PDGFRB: variants seen among roughly 807,000 people sequenced by gnomAD.
PDGFRB encodes platelet-derived growth factor receptor beta.
A neutral mutation model predicts 120.2 loss-of-function variants in PDGFRB; 42 were observed. The observed-to-expected ratio is 0.35, with a 90% CI of 0.27 to 0.45. The LOEUF (loss-of-function observed/expected upper bound fraction) is 0.45. PDGFRB is among the 20% of genes least tolerant of loss of function. PDGFRB has a pLI of 1.00. For missense variants in PDGFRB, 1,149 were observed against 1,476.3 expected, an observed-to-expected ratio of 0.78 and a Z score of 3.63; for synonymous variants, 586 against 606.8, an observed-to-expected ratio of 0.97 and a Z score of 0.50.
rs962989418 is a variant in PDGFRB, at chr5:150,124,818, G to A, written c.1821C>T (p.Gly607=). 2.5e-6 allele frequency: 4 copies of A among 1,595,730 alleles called. No homozygotes were observed. Among genetic ancestry groups the A allele is most frequent in the Non-Finnish European group, 3.4e-6 (4 of 1,167,650 alleles). The change falls in exon 13 of 23, where the codon GGC becomes GGT. Residue 607 remains glycine, a synonymous_variant. Transcript: ENST00000261799. ...CCACCACCTGCCCAAAGGCCCCAGA[G>A]CCGAGGGTGCGTCCTGGTGCAGAGA... ...RDQLVLGRTL[G]SGAFGQVVEA... is the part of the protein sequence containing the mutation.
intron 10 of PDGFRB, among the ~76,000 whole-genome samples, chr5:150,129,478 A>G (rs1267278018): frequency 6.6e-6 from 1 of 152,244 alleles, no homozygotes; most frequent in Non-Finnish European, 1.5e-5. Context: ...AGGCATGCTC[A>G]TGTACATGGC....
intron 3 of PDGFRB, 129 bp downstream of exon 3, chr5:150,135,426 G>A (rs74365785): frequency 1.4e-6 from 1 of 704,998 alleles, no homozygotes. Context: ...AGCCAGGCTG[G>A]TTCCATGATT....
Position 150,130,244 on chromosome 5 carries a change from C to T in PDGFRB, c.1368-276G>A, listed in dbSNP as rs899995066. Among the ~76,000 whole-genome samples the T allele has an allele frequency of 5.8e-4, 88 of 152,170 alleles. 5 individuals carry two copies. Among genetic ancestry groups the T allele is most frequent in the Non-Finnish European group, 1.6e-4 (11 of 68,022 alleles). On this transcript the variant is annotated intron_variant, in intron 9 of 22. Transcript: ENST00000261799. The stretch of plus-strand genomic sequence containing the variant: ...AACCTGCACTGAATCCTGCCTCTGT[C>T]CACTGCATTAGAATCGACCTGGCCA...
intron 1 of PDGFRB, among the ~76,000 whole-genome samples, chr5:150,150,851 A>G (rs1761058678): frequency 1.3e-5 from 2 of 152,054 alleles, no homozygotes; most frequent in African/African-American, 2.4e-5. Flanking sequence ...TTGAAATTAG[A>G]GCATATGAGG....
rs1295108995 is a variant in PDGFRB, at chr5:150,114,348, T to G, written c.*1415A>C. On this transcript the variant is annotated 3_prime_UTR_variant, in exon 23 of 23. Coordinates refer to ENST00000261799, the MANE Select transcript of PDGFRB (RefSeq NM_002609.4). The stretch of plus-strand genomic sequence containing the variant: ...TGGGGTACCCATCTGAAGCTTCTTG[T>G]CTTTTACAAGACATAACTGTCCTCA... The G allele has an allele frequency of 4.3e-6, 1 of 233,148 alleles. No homozygotes were observed. Among genetic ancestry groups the G allele is most frequent in the Non-Finnish European group, 8.5e-6 (1 of 118,038 alleles). 14.4% of individuals were successfully genotyped at this position (233,148 alleles called of 1,614,324 possible). A position where few individuals can be genotyped will look rare whatever the true frequency, so the allele number is the denominator to read the frequency against.
rs562968715 is a variant in PDGFRB at position 150,129,926 on chromosome 5, G to A, written c.1410C>T (p.Ser470=). Residue 470 remains serine, a synonymous_variant, in exon 10 of 23, where the codon TCC becomes TCT. Coordinates refer to ENST00000261799, the MANE Select transcript of PDGFRB (RefSeq NM_002609.4). The part of the protein sequence containing the change: ...ELPPTLLGNS[S]EEESQLETNV... ...TAGTCTCCAGCTGGCTCTCCTCTTC[G>A]GAACTGTTCCCCAGCAGCGTGGGCG... The A allele has an allele frequency of 1.9e-6, 3 of 1,614,092 alleles. No individual in the cohort carries two copies. The highest frequency in any genetic ancestry group is 1.1e-5 in the South Asian group (1 of 91,078).
At chr5:150,126,425 C>G (rs555582799) in intron 11 of PDGFRB, 95 bp downstream of exon 11, 117 of 774,502 alleles carry the variant, frequency 1.5e-4, no homozygotes, top group Admixed American at 1.3e-3. Context: ...CTGCATGTGG[C>G]CAGATCACGC....
intron 1 of PDGFRB, among the ~76,000 whole-genome samples, chr5:150,148,524 C>A (rs546437528): frequency 6.6e-6 from 1 of 152,378 alleles, no homozygotes; most frequent in East Asian, 1.9e-4. Context: ...CTGAAGCCAA[C>A]AGGCTGCGCC....
rs2113886862 is a variant in PDGFRB, at chr5:150,119,480, C to T, written c.2785G>A (p.Ala929Thr). ...RGYRMAQPAH[A>T]SDEIYEIMQK... ...GACTCCACTCACATCTCGTCGGAGG[C>T]ATGGGCAGGCTGGGCCATGCGGTAA... Residue 929 changes from alanine to threonine, a missense_variant, in exon 20 of 23, where the codon GCC becomes ACC. Ala to Thr is a moderately conservative substitution (Grantham distance 58). Transcript: ENST00000261799. 1 of 1,597,406 alleles carries T rather than the reference C, an allele frequency of 6.3e-7. No individual in the cohort carries two copies. The highest frequency in any genetic ancestry group is 8.6e-7 in the Non-Finnish European group (1 of 1,164,710).
At position 150,135,703 on chromosome 5, in the gene PDGFRB, T is replaced by C. The variant is rs757319563; in HGVS notation, c.216A>G (p.Glu72=). The C allele has an allele frequency of 2.5e-6, 4 of 1,614,136 alleles. No homozygotes were observed. In the South Asian group the frequency reaches 3.3e-5, roughly 13 times the overall value. ...AGGTGCCATCCTGGGCCTTGGCCATTTCCTGTGGGGGCTCCTGGGACATCC... is the reference window on the plus strand; with the variant it reads ...AGGTGCCATCCTGGGCCTTGGCCATCTCCTGTGGGGGCTCCTGGGACATCC... ...WERMSQEPPQ[E]MAKAQDGTFS... is the part of the protein sequence containing the mutation. The change falls in exon 3 of 23, where the codon GAA becomes GAG. Residue 72 remains glutamate, a synonymous_variant. Coordinates refer to ENST00000261799, the MANE Select transcript of PDGFRB (RefSeq NM_002609.4).
chr5:150,128,283 TG>T (rs1291834394), intron 10 of PDGFRB, among the ~76,000 whole-genome samples: 1 of 152,224 alleles, frequency 6.6e-6, no homozygotes, highest in African/African-American at 2.4e-5. Flanking sequence ...GATACCCACT[TG>T]CTCAGAGAAT....
intron 1 of PDGFRB, among the ~76,000 whole-genome samples, chr5:150,152,928 T>C (rs185052136): frequency 5.3e-5 from 8 of 152,230 alleles, no homozygotes; most frequent in Non-Finnish European, 7.4e-5. Context: ...GAGAAGGAGA[T>C]TGAGGCCCAG....
At chr5:150,145,566 G>T (rs1022317469) in intron 1 of PDGFRB, among the ~76,000 whole-genome samples, 1 of 152,152 alleles carries the variant, frequency 6.6e-6, no homozygotes, top group Non-Finnish European at 1.5e-5. Context: ...TGTTTACATT[G>T]TTTGCCCAAA....
chr5:150,124,561 C>T, intron 13 of PDGFRB, 166 bp downstream of exon 13: 1 of 618,792 alleles, frequency 1.6e-6, no homozygotes, highest in Non-Finnish European at 2.9e-6. Context: ...GAGAGGAACG[C>T]TCTTTCCCAA....
At chr5:150,139,709 TG>T (rs1760729382) in intron 1 of PDGFRB, among the ~76,000 whole-genome samples, 1 of 152,020 alleles carries the variant, frequency 6.6e-6, no homozygotes. Flanking sequence ...AGGCTGGGCA[TG>T]GTGGCTCATG....
chr5:150,130,007 C>T (rs771487260), intron 9 of PDGFRB, 39 bp from the exon 10 acceptor site: 1 of 1,505,584 alleles, frequency 6.6e-7, no homozygotes, highest in African/African-American at 1.4e-5. Context: ...CCAGCCCCTT[C>T]CCCTTGCAGA....
At position 150,121,214 on chromosome 5, in the gene PDGFRB, G is replaced by T; in HGVS notation, c.2453C>A (p.Ala818Asp). 1 of 1,553,222 alleles carries T rather than the reference G, an allele frequency of 6.4e-7. No homozygotes were observed. Among genetic ancestry groups the T allele is most frequent in the Non-Finnish European group, 8.9e-7 (1 of 1,124,384 alleles). The stretch of plus-strand genomic sequence containing the variant: ...CAACACCACACGTACGTTCTTGGAG[G>T]CCAGAAACTCCATGCCATTGGCCAC... ...YQVANGMEFL[A>D]SKNCVHRDLA... Residue 818 changes from alanine to aspartate, a missense_variant, in exon 17 of 23, where the codon GCC (alanine) becomes GAC (aspartate). Coordinates refer to ENST00000261799, the MANE Select transcript of PDGFRB (RefSeq NM_002609.4). The surrounding 1 kb of genome is among the most constrained non-coding windows in gnomAD (Gnocchi z 4.1).
chr5:150,143,210 C>G (rs891821436), intron 1 of PDGFRB, among the ~76,000 whole-genome samples: 4 of 152,242 alleles, frequency 2.6e-5, no homozygotes, highest in African/African-American at 9.6e-5. Context: ...TTGTTTATTT[C>G]TGGAATTTTC....
chr5:150,118,727 C>G lies in PDGFRB; in HGVS notation c.2904+20G>C, dbSNP rs1178815613. On this transcript the variant is annotated intron_variant, in intron 21 of 22. Transcript: ENST00000261799. ...GCACCAGAGCTCTCCGTGCTCCACCCCTACCCTGCCTCAACATACCTTTTT... is the reference window on the plus strand; with the variant it reads ...GCACCAGAGCTCTCCGTGCTCCACCGCTACCCTGCCTCAACATACCTTTTT... The G allele has an allele frequency of 6.8e-7, 1 of 1,471,900 alleles. No individual in the cohort carries two copies. Among genetic ancestry groups the G allele is most frequent in the Non-Finnish European group, 9.5e-7 (1 of 1,050,210 alleles). The allele number at this position is 1,471,900 out of a possible 1,614,324, so 91.2% of individuals were successfully genotyped here.
Sources: allele counts gnomAD v4.1 joint callset (sites outside exome capture counted in the v4.1 genomes callset), GRCh38; gene constraint gnomAD v4.1.1; non-coding constraint Gnocchi (gnomAD v3.1); transcripts MANE v1.5; gene names NCBI Gene and HGNC (gene_info 2026-07-23, HGNC 2026-07-21).